IQCM: variants seen among roughly 807,000 people sequenced by gnomAD.
IQCM encodes IQ domain-containing protein M.
In IQCM, 45 loss-of-function variants were observed where a neutral mutation model predicts 57.6. The ratio of observed to expected loss-of-function variants is 0.78; its 90% confidence interval spans 0.62 to 1.00. The LOEUF (loss-of-function observed/expected upper bound fraction) is 1.00, where lower values mean the gene tolerates loss of function less well. Ranked by LOEUF, IQCM falls within the 50% of genes least tolerant of loss-of-function variation. The pLI is 0.00. For missense variants in IQCM, 468 were observed against 511.6 expected, an observed-to-expected ratio of 0.91 and a Z score of 0.82; for synonymous variants, 148 against 158.9, an observed-to-expected ratio of 0.93 and a Z score of 0.51.
intron 5 of IQCM, among the ~76,000 whole-genome samples, chr4:149,716,863 AAATTGAGTT>A (rs1426541477): frequency 6.6e-6 from 1 of 152,156 alleles, no homozygotes; most frequent in Non-Finnish European, 1.5e-5. Flanking sequence ...GAAGGGCTGG[AAATTGAGTT>A]AATAATCAAT....
At chr4:149,410,053 G>A (rs1304597959) in intron 13 of IQCM, among the ~76,000 whole-genome samples, 1 of 152,138 alleles carries the variant, frequency 6.6e-6, no homozygotes, top group Non-Finnish European at 1.5e-5. Context: ...GCATGGCGGT[G>A]GGCAACTGTA....
At chr4:149,393,634 G>A (rs1036230462) in intron 13 of IQCM, among the ~76,000 whole-genome samples, 1 of 151,770 alleles carries the variant, frequency 6.6e-6, no homozygotes, top group South Asian at 2.1e-4. Context: ...GATTTTAAAA[G>A]GATTAAGGGA....
chr4:149,480,723 G>A (rs1740687982), intron 12 of IQCM, among the ~76,000 whole-genome samples: 1 of 152,072 alleles, frequency 6.6e-6, no homozygotes, highest in Admixed American at 6.6e-5. Flanking sequence ...AATAAACATG[G>A]GAGTGCAGTT....
chr4:149,773,109 T>C (rs1345434478), intron 2 of IQCM, among the ~76,000 whole-genome samples: 1 of 152,158 alleles, frequency 6.6e-6, no homozygotes, highest in African/African-American at 2.4e-5. Context: ...CCCAGCACTT[T>C]GGGAGGCCGA....
intron 13 of IQCM, among the ~76,000 whole-genome samples, chr4:149,353,035 T>C (rs1464070994): frequency 1.3e-5 from 2 of 152,158 alleles, no homozygotes; most frequent in East Asian, 3.8e-4. Context: ...AAACAAGGCA[T>C]TGTTTCTGGG....
intron 12 of IQCM, among the ~76,000 whole-genome samples, chr4:149,488,883 C>A (rs1741800861): frequency 6.6e-6 from 1 of 152,016 alleles, no homozygotes; most frequent in Non-Finnish European, 1.5e-5. Context: ...ATGTGAGTAG[C>A]CTTTTATATA....
intron 12 of IQCM, among the ~76,000 whole-genome samples, chr4:149,434,020 T>C (rs1735120864): frequency 6.6e-6 from 1 of 152,122 alleles, no homozygotes; most frequent in Non-Finnish European, 1.5e-5. Context: ...CATATTGCTG[T>C]GACTGAATTA....
At chr4:149,544,999 G>T (rs565105143) in intron 12 of IQCM, among the ~76,000 whole-genome samples, 2 of 152,010 alleles carry the variant, frequency 1.3e-5, no homozygotes, top group Admixed American at 1.3e-4. Flanking sequence ...GTTTTTTTTA[G>T]TATGACCCCA....
At chr4:149,622,515 T>G (rs988265964) in intron 7 of IQCM, among the ~76,000 whole-genome samples, 1 of 152,114 alleles carries the variant, frequency 6.6e-6, no homozygotes, top group African/African-American at 2.4e-5. Flanking sequence ...GCTAATTTTT[T>G]GTATTTTTTA....
chr4:149,410,651 C>A (rs912523915), intron 13 of IQCM, among the ~76,000 whole-genome samples: 8 of 151,302 alleles, frequency 5.3e-5, no homozygotes, highest in African/African-American at 1.9e-4. Flanking sequence ...TTTTAACAGG[C>A]AAATTGCTCT....
At chr4:149,393,705 A>G (rs1426581044) in intron 13 of IQCM, among the ~76,000 whole-genome samples, 1 of 152,000 alleles carries the variant, frequency 6.6e-6, no homozygotes, top group East Asian at 1.9e-4. Flanking sequence ...ATTATTAACC[A>G]AGAGAAAATG....
In IQCM at chr4:149,711,710, C is replaced by G. The variant is rs182920090; in HGVS notation, c.385+21534G>C. On this transcript the variant is annotated intron_variant, in intron 5 of 13. Coordinates refer to ENST00000636793, the MANE Select transcript of IQCM (RefSeq NM_001363507.2). Reference sequence around the variant, plus strand: ...AAGCAAAGGTCATTTGCTTACAGAGCTACAACCAGCTATTCCAGTCTATTT... The same window carrying G: ...AAGCAAAGGTCATTTGCTTACAGAGGTACAACCAGCTATTCCAGTCTATTT... Among the ~76,000 whole-genome samples, 5 of 152,262 alleles carry G rather than the reference C, an allele frequency of 3.3e-5. No homozygotes were observed. In the East Asian group the frequency reaches 9.6e-4, roughly 29 times the overall value.
At chr4:149,653,685 G>T (rs1759394051) in intron 7 of IQCM, among the ~76,000 whole-genome samples, 1 of 152,016 alleles carries the variant, frequency 6.6e-6, no homozygotes, top group African/African-American at 2.4e-5. Flanking sequence ...ATATCAAGCT[G>T]ACACATTTAC....
At chr4:149,582,175 G>A (rs1374945361) in intron 9 of IQCM, among the ~76,000 whole-genome samples, 7 of 150,140 alleles carry the variant, frequency 4.7e-5, no homozygotes, top group African/African-American at 1.5e-4. Flanking sequence ...GCATCCTGAA[G>A]ACATTACTTG....
intron 12 of IQCM, among the ~76,000 whole-genome samples, chr4:149,507,507 T>A (rs1157242653): frequency 1.3e-5 from 2 of 152,176 alleles, no homozygotes; most frequent in African/African-American, 4.8e-5. Flanking sequence ...GTGACTCTTG[T>A]TACCTTTTAG....
At chr4:149,497,108 T>C (rs1324088145) in intron 12 of IQCM, among the ~76,000 whole-genome samples, 1 of 152,076 alleles carries the variant, frequency 6.6e-6, no homozygotes, top group East Asian at 1.9e-4. Context: ...CTTTCTTTAA[T>C]GTATGGGGCA....
intron 13 of IQCM, among the ~76,000 whole-genome samples, chr4:149,420,393 T>G (rs1412756311): frequency 6.6e-6 from 1 of 151,986 alleles, no homozygotes; most frequent in Non-Finnish European, 1.5e-5. Context: ...AACCAAGTAT[T>G]ACATGTTCTC....
intron 7 of IQCM, among the ~76,000 whole-genome samples, chr4:149,650,654 T>C (rs902392481): frequency 1.3e-5 from 2 of 152,158 alleles, no homozygotes; most frequent in Non-Finnish European, 2.9e-5. Context: ...CCTCCCAAAG[T>C]GCTGACATTA....
chr4:149,688,785 C>T (rs1053037078), intron 5 of IQCM, among the ~76,000 whole-genome samples: 3 of 151,736 alleles, frequency 2.0e-5, no homozygotes, highest in Non-Finnish European at 4.4e-5. Context: ...AAGAGAGAAC[C>T]CAGAAATAAA....
Sources: allele counts gnomAD v4.1 joint callset (sites outside exome capture counted in the v4.1 genomes callset), GRCh38; gene constraint gnomAD v4.1.1; transcripts MANE v1.5; gene names NCBI Gene and HGNC (gene_info 2026-07-23, HGNC 2026-07-21).